Variants in PIK3AP1 observed in about 807,000 individuals in gnomAD.
PIK3AP1 encodes phosphoinositide-3-kinase adaptor protein 1.
In PIK3AP1, 21 loss-of-function variants were observed where a neutral mutation model predicts 88.1. The ratio of observed to expected loss-of-function variants is 0.24; its 90% CI spans 0.17 to 0.34. The LOEUF is 0.34. PIK3AP1 is among the 10% of genes least tolerant of loss of function. The probability of loss-of-function intolerance (pLI) is 1.00; values close to 1 mark genes in which losing one functional copy is unlikely to be tolerated. For missense variants in PIK3AP1, 828 were observed against 1,035.7 expected (o/e 0.80, Z 2.75); for synonymous variants, 398 against 400.0 (o/e 1.00, Z 0.06).
intron 2 of PIK3AP1, among the ~76,000 whole-genome samples, chr10:96,688,319 G>A (rs911254625): frequency 4.6e-5 from 7 of 152,114 alleles, no homozygotes; most frequent in Admixed American, 2.0e-4. Context: ...ATCAAAGGGC[G>A]AGGATAAGTC....
At chr10:96,653,926 A>G (rs1843579113) in intron 3 of PIK3AP1, among the ~76,000 whole-genome samples, 1 of 152,256 alleles carries the variant, frequency 6.6e-6, no homozygotes, top group Non-Finnish European at 1.5e-5. Context: ...GCTCTGGACC[A>G]GTCCTGCTAC....
At chr10:96,703,934 A>G (rs1223253786) in intron 2 of PIK3AP1, among the ~76,000 whole-genome samples, 1 of 152,242 alleles carries the variant, frequency 6.6e-6, no homozygotes, top group African/African-American at 2.4e-5. Flanking sequence ...GAAGACTCCA[A>G]TTAAAACATC....
At chr10:96,701,001 G>T in intron 2 of PIK3AP1, 1 of 583,400 alleles carries the variant, frequency 1.7e-6, no homozygotes, top group Non-Finnish European at 2.2e-6. Context: ...GGGCTCCTGT[G>T]ACCCAAAAAC....
intron 13 of PIK3AP1, among the ~76,000 whole-genome samples, chr10:96,611,617 GCGCCAC>G (rs1849111641): frequency 6.6e-6 from 1 of 151,982 alleles, no homozygotes; most frequent in South Asian, 2.1e-4. Flanking sequence ...CTACAGGCAC[GCGCCAC>G]CATGCCCAGC....
chr10:96,630,055 G>A, intron 8 of PIK3AP1, among the ~76,000 whole-genome samples: 1 of 151,788 alleles, frequency 6.6e-6, no homozygotes, highest in Non-Finnish European at 1.5e-5. Context: ...AAGTAATACA[G>A]AAAGATATTC....
At chr10:96,688,294 G>A (rs1487869876) in intron 2 of PIK3AP1, among the ~76,000 whole-genome samples, 2 of 152,090 alleles carry the variant, frequency 1.3e-5, no homozygotes, top group Non-Finnish European at 2.9e-5. Flanking sequence ...ATAGTAAAGG[G>A]GGTTGGTGAT....
chr10:96,611,039 G>A (rs1446011195), intron 13 of PIK3AP1, among the ~76,000 whole-genome samples: 5 of 152,172 alleles, frequency 3.3e-5, no homozygotes, highest in African/African-American at 1.2e-4. Flanking sequence ...GAGAGTCCAG[G>A]GGCAGAGGTG....
intron 2 of PIK3AP1, among the ~76,000 whole-genome samples, chr10:96,695,025 T>C (rs1340755872): frequency 1.3e-5 from 2 of 152,302 alleles, no homozygotes; most frequent in East Asian, 3.9e-4. Context: ...TTCAAGTGAC[T>C]ACAAAATAAA....
chr10:96,631,667 T>C (rs1288339954), intron 8 of PIK3AP1, among the ~76,000 whole-genome samples: 2 of 152,104 alleles, frequency 1.3e-5, no homozygotes, highest in Non-Finnish European at 2.9e-5. Flanking sequence ...GGCGGGTGGA[T>C]TGCTTGAGGT....
Position 96,641,625 on chromosome 10 carries a change from G to A in PIK3AP1, c.1375+3848C>T, listed in dbSNP as rs77921028. On this transcript the variant is annotated intron_variant, in intron 8 of 16. Coordinates refer to ENST00000339364, the MANE Select transcript of PIK3AP1 (RefSeq NM_152309.3). ...TGCAGACCCTAGAAGGGCAGGCCAG[G>A]AGAGCCCTACATTCCAGTGGGACAG... Among the ~76,000 whole-genome samples, 26 of 152,310 alleles carry A rather than the reference G, an allele frequency of 1.7e-4. No individual in the cohort carries two copies. In the East Asian group the frequency reaches 5.0e-3, roughly 29 times the overall value.
intron 8 of PIK3AP1, among the ~76,000 whole-genome samples, chr10:96,642,801 A>G (rs997621488): frequency 3.9e-5 from 6 of 152,240 alleles, no homozygotes; most frequent in African/African-American, 1.4e-4. Flanking sequence ...CATTCCCTGC[A>G]GGTTTCCAGT....
chr10:96,634,088 G>A (rs1843281839), intron 8 of PIK3AP1, among the ~76,000 whole-genome samples: 1 of 152,122 alleles, frequency 6.6e-6, no homozygotes. Context: ...CTCTTTATTG[G>A]TGGCCCAAAA....
At chr10:96,603,707 CA>C (rs1470178388) in intron 15 of PIK3AP1, 5 of 201,810 alleles carry the variant, frequency 2.5e-5, no homozygotes, top group African/African-American at 1.3e-4. Context: ...CACACACACA[CA>C]CACCACATAT....
chr10:96,714,784 T>C (rs1186732813), intron 1 of PIK3AP1, among the ~76,000 whole-genome samples: 1 of 151,970 alleles, frequency 6.6e-6, no homozygotes. Context: ...ACAAAATAAA[T>C]AAAATAATAT....
At chr10:96,616,572 A>C in intron 13 of PIK3AP1, 67 bp downstream of exon 13, 1 of 1,550,114 alleles carries the variant, frequency 6.5e-7, no homozygotes, top group Non-Finnish European at 8.9e-7. Flanking sequence ...CACAGCCAAA[A>C]GGAGAGTCAA....
intron 16 of PIK3AP1, among the ~76,000 whole-genome samples, chr10:96,599,522 C>G (rs889278456): frequency 6.6e-6 from 1 of 152,068 alleles, no homozygotes; most frequent in African/African-American, 2.4e-5. Context: ...GGCTGTACTA[C>G]CAGTGCTGTT....
At chr10:96,704,100 C>A (rs1844332480) in intron 2 of PIK3AP1, among the ~76,000 whole-genome samples, 1 of 152,076 alleles carries the variant, frequency 6.6e-6, no homozygotes, top group Non-Finnish European at 1.5e-5. Flanking sequence ...CATCTAGAAA[C>A]CTGAAAGATT....
At chr10:96,620,597 C>CT in intron 11 of PIK3AP1, 40 bp from the exon 12 acceptor site, 1 of 1,571,620 alleles carries the variant, frequency 6.4e-7, no homozygotes, top group South Asian at 1.1e-5. Context: ...AGCTCCCCCA[C>CT]TGGGGACCAC....
chr10:96,622,351 G>A (rs1020360726), intron 11 of PIK3AP1, among the ~76,000 whole-genome samples: 7 of 152,270 alleles, frequency 4.6e-5, no homozygotes, highest in East Asian at 1.9e-4. Context: ...TACTCGCAGC[G>A]ACCATGGGGC....
Sources: allele counts gnomAD v4.1 joint callset (sites outside exome capture counted in the v4.1 genomes callset), GRCh38; gene constraint gnomAD v4.1.1; transcripts MANE v1.5; gene names NCBI Gene and HGNC (gene_info 2026-07-23, HGNC 2026-07-21).